ATG7: variants seen among roughly 807,000 people sequenced by gnomAD.
ATG7 encodes ubiquitin-like modifier-activating enzyme ATG7.
Under a neutral mutation model 82.4 loss-of-function variants are expected in ATG7, and 70 were observed. That is an observed-to-expected ratio of 0.85 (90% CI 0.70 to 1.04). The LOEUF is 1.04. Among genes scored for constraint, ATG7 ranks in the 50% least tolerant of loss-of-function variants. The probability of loss-of-function intolerance (pLI) is 0.00; values close to 1 mark genes in which losing one functional copy is unlikely to be tolerated. For synonymous variants in ATG7, 287 were observed against 313.0 expected, an observed-to-expected ratio of 0.92 and a Z score of 0.88; for missense variants, 792 against 864.3, an observed-to-expected ratio of 0.92 and a Z score of 1.05.
chr3:11,451,553 G>A (rs1175711854), intron 20 of ATG7, among the ~76,000 whole-genome samples: 1 of 152,100 alleles, frequency 6.6e-6, no homozygotes, highest in Non-Finnish European at 1.5e-5. Flanking sequence ...TTTCAACCCA[G>A]GGGCCCTTGG....
Position 11,498,545 on chromosome 3 carries a change from G to A in ATG7, c.2080-56266G>A, listed in dbSNP as rs2091047038. Among the ~76,000 whole-genome samples, 4 of 152,052 alleles carry A rather than the reference G, an allele frequency of 2.6e-5. No individual in the cohort carries two copies. In the South Asian group the frequency reaches 6.2e-4, roughly 24 times the overall value. ...TAGGATTAATCTTCCAAAAACATTG[G>A]TTTTCACCGTGTCACTCCTGTGACC... On this transcript the variant is annotated intron_variant, in intron 20 of 20. Coordinates refer to ENST00000693202, the MANE Select transcript of ATG7 (RefSeq NM_001349232.2).
chr3:11,362,116 G>C (rs991217873), intron 16 of ATG7, among the ~76,000 whole-genome samples: 4 of 152,062 alleles, frequency 2.6e-5, no homozygotes, highest in Non-Finnish European at 5.9e-5. Context: ...TACGATTAGT[G>C]GTCCCTTGCA....
At chr3:11,475,752 T>C (rs1014805326) in intron 20 of ATG7, among the ~76,000 whole-genome samples, 6 of 151,990 alleles carry the variant, frequency 3.9e-5, no homozygotes, top group African/African-American at 1.2e-4. Flanking sequence ...CTAGGTCAGT[T>C]TTAAGCTAAA....
intron 20 of ATG7, among the ~76,000 whole-genome samples, chr3:11,540,430 TA>T (rs1188754521): frequency 6.6e-6 from 1 of 152,132 alleles, no homozygotes; most frequent in African/African-American, 2.4e-5. Flanking sequence ...TATTGAACTG[TA>T]AGAGTTCTTC....
intron 5 of ATG7, 107 bp downstream of exon 5, chr3:11,299,523 C>T: frequency 8.5e-7 from 1 of 1,178,562 alleles, no homozygotes; most frequent in Non-Finnish European, 1.2e-6. Flanking sequence ...TAGGGAAGTT[C>T]CCGGTGGGCA....
chr3:11,301,245 AAG>A (rs932938589), intron 5 of ATG7, among the ~76,000 whole-genome samples: 2 of 152,196 alleles, frequency 1.3e-5, no homozygotes, highest in African/African-American at 4.8e-5. Context: ...CAGTTTGAGA[AAG>A]AGGGTGGAGC....
At position 11,347,885 on chromosome 3, in the gene ATG7, C is replaced by T. The variant is rs572456428; in HGVS notation, c.1134C>T (p.Gly378=). Residue 378 remains glycine (G), a synonymous_variant, in exon 14 of 21, where the codon GGC becomes GGT. Coordinates refer to ENST00000693202, the MANE Select transcript of ATG7 (RefSeq NM_001349232.2). ...CNVARTLMGW[G]VRHITFVDNA... is the part of the protein sequence containing the mutation. The stretch of plus-strand genomic sequence containing the variant: ...CTCCTGTTTCCACACAGGGTTGGGG[C>T]GTGAGACACATCACATTTGTGGACA... 209 of 1,613,842 alleles carry T rather than the reference C, an allele frequency of 1.3e-4. No individual in the cohort carries two copies. The highest frequency in any genetic ancestry group is 1.7e-4 in the Non-Finnish European group (196 of 1,179,862).
intron 20 of ATG7, chr3:11,510,147 A>G (rs772398172): frequency 1.3e-5 from 6 of 450,044 alleles, no homozygotes; most frequent in South Asian, 7.9e-5. Context: ...TGCCTGACAC[A>G]GAGTTGCCTG....
intron 5 of ATG7, among the ~76,000 whole-genome samples, chr3:11,299,810 A>T (rs1946499274): frequency 6.6e-6 from 1 of 152,212 alleles, no homozygotes; most frequent in Admixed American, 6.5e-5. Flanking sequence ...ACTTCTGTAT[A>T]CAAGCCACTG....
intron 20 of ATG7, among the ~76,000 whole-genome samples, chr3:11,527,122 TGA>T (rs1470126618): frequency 6.6e-6 from 1 of 150,674 alleles, no homozygotes; most frequent in African/African-American, 2.4e-5. Context: ...CACATTTTTT[TGA>T]GGTGGAGTCT....
At chr3:11,347,508 C>A (rs555112661) in intron 13 of ATG7, among the ~76,000 whole-genome samples, 73 of 152,176 alleles carry the variant, frequency 4.8e-4, no homozygotes, top group African/African-American at 1.5e-3. Flanking sequence ...CTTAATTATT[C>A]GTTAAGGGAA....
At chr3:11,569,247 C>T in the ATG7 span, among the ~76,000 whole-genome samples, 2 of 152,248 alleles carry the variant, frequency 1.3e-5, no homozygotes, top group African/African-American at 4.8e-5. Context: ...CGCTGGGCTT[C>T]ATTCACCGTG....
intron 3 of ATG7, among the ~76,000 whole-genome samples, chr3:11,290,099 C>T (rs539623925): frequency 1.3e-5 from 2 of 152,224 alleles, no homozygotes; most frequent in Admixed American, 1.3e-4. Flanking sequence ...GTAGGGCTCC[C>T]CTCCAATTAG....
At chr3:11,303,378 AAG>A (rs1947101319) in intron 5 of ATG7, among the ~76,000 whole-genome samples, 1 of 152,248 alleles carries the variant, frequency 6.6e-6, no homozygotes, top group Non-Finnish European at 1.5e-5. Context: ...GAGAAAAAAA[AAG>A]AATTTTCCGC....
chr3:11,338,124 A>G (rs1339888852), intron 11 of ATG7, among the ~76,000 whole-genome samples: 1 of 152,104 alleles, frequency 6.6e-6, no homozygotes, highest in East Asian at 1.9e-4. Context: ...TTCACCCTCA[A>G]GTAGGCCCCA....
At chr3:11,275,327 A>G (rs1941487073) in intron 1 of ATG7, among the ~76,000 whole-genome samples, 1 of 151,380 alleles carries the variant, frequency 6.6e-6, no homozygotes, top group Non-Finnish European at 1.5e-5. Context: ...GACGTTCGCT[A>G]ATGTCTTCCT....
In ATG7 at chr3:11,369,391, C is replaced by T. The variant is rs1373604658; in HGVS notation, c.1875+4657C>T. On this transcript the variant is annotated intron_variant, in intron 18 of 20. Coordinates refer to ENST00000693202, the MANE Select transcript of ATG7 (RefSeq NM_001349232.2). Reference sequence around the variant, plus strand: ...CATGTTTCACTATATCAAGTGCTATCGTTTGTGACCTGTTCATCTTATTTC... The same window carrying T: ...CATGTTTCACTATATCAAGTGCTATTGTTTGTGACCTGTTCATCTTATTTC... 9.3e-5 allele frequency among the ~76,000 whole-genome samples: 14 copies of T among 151,072 alleles called. 1 individual carries two copies. The South Asian group carries it at 1.9e-3, about 20-fold the overall frequency.
intron 20 of ATG7, among the ~76,000 whole-genome samples, chr3:11,437,660 T>A (rs1296884659): frequency 6.6e-6 from 1 of 152,180 alleles, no homozygotes; most frequent in Non-Finnish European, 1.5e-5. Flanking sequence ...TACTCCTACC[T>A]GGATCCAACA....
chr3:11,370,408 G>C (rs948465442), intron 18 of ATG7, among the ~76,000 whole-genome samples: 2 of 151,144 alleles, frequency 1.3e-5, no homozygotes, highest in African/African-American at 4.9e-5. Context: ...CCATTCTGGT[G>C]TGCTTAGGGT....
Sources: gnomAD v4.1 joint callset for allele counts (sites outside exome capture counted in the v4.1 genomes callset) on GRCh38, gnomAD v4.1.1 for gene constraint, MANE v1.5 for transcripts, NCBI Gene and HGNC (gene_info 2026-07-23, HGNC 2026-07-21) for gene names.